Variants in ARID1B observed in about 807,000 individuals in gnomAD.
ARID1B encodes AT-rich interactive domain-containing protein 1B.
A neutral mutation model predicts 212.3 loss-of-function variants in ARID1B; 30 were observed. The ratio of observed to expected loss-of-function variants is 0.14; its 90% confidence interval spans 0.11 to 0.19. ARID1B has a LOEUF of 0.19. Ranked by LOEUF, ARID1B falls within the 10% of genes least tolerant of loss-of-function variation. ARID1B has a pLI of 1.00. For missense variants in ARID1B, 2,891 were observed against 3,204.0 expected (o/e 0.90, Z 2.36); for synonymous variants, 1,402 against 1,301.7 (o/e 1.08, Z -1.66).
chr6:157,137,604 A>G (rs1789027443), intron 7 of ARID1B, among the ~76,000 whole-genome samples: 1 of 152,178 alleles, frequency 6.6e-6, no homozygotes. Flanking sequence ...TACTTTTTGC[A>G]TGTTGTTATT....
chr6:156,972,058 A>C (rs564241269), intron 4 of ARID1B, among the ~76,000 whole-genome samples: 1 of 152,314 alleles, frequency 6.6e-6, no homozygotes, highest in African/African-American at 2.4e-5. Flanking sequence ...GGAAGGACAT[A>C]GGTTTCTTAG....
chr6:157,202,238 A>C (rs1794161123), intron 18 of ARID1B, among the ~76,000 whole-genome samples: 1 of 152,202 alleles, frequency 6.6e-6, no homozygotes, highest in Admixed American at 6.5e-5. Flanking sequence ...GGTCTGGACT[A>C]TCTGGAAGTA....
Position 157,203,652 on chromosome 6 carries a change from C to A in ARID1B, c.5264-214C>A. 3 of 611,184 alleles carry A rather than the reference C, an allele frequency of 4.9e-6. No individual in the cohort carries two copies. The highest frequency in any genetic ancestry group is 4.9e-4 in the Middle Eastern group (1 of 2,050). The allele number at this position is 611,184 out of a possible 1,614,324, so 37.9% of individuals were successfully genotyped here. ...GCACTTTCGGCCCCTGCGTGACCAA[C>A]AAAGCGAGATCTGAAACCACAAAAG... On this transcript the variant is annotated intron_variant, in intron 18 of 19. Transcript: ENST00000636930. The surrounding 1 kb of genome is among the most constrained non-coding windows in gnomAD (Gnocchi z 4.4).
chr6:156,810,152 T>A (rs1781462069), intron 1 of ARID1B, among the ~76,000 whole-genome samples: 1 of 152,218 alleles, frequency 6.6e-6, no homozygotes, highest in Admixed American at 6.5e-5. Context: ...TAGTCACAGT[T>A]TAAACTACTT....
Position 156,817,502 on chromosome 6 carries a change from C to T in ARID1B, c.1792-11725C>T, listed in dbSNP as rs190065752. ...AAAATTAGCCAGGTGTAGTAGCACA[C>T]GCTTGTGGTCCCAGCTATGTGGGAG... On this transcript the variant is annotated intron_variant, in intron 1 of 19. Transcript: ENST00000636930. Among the ~76,000 whole-genome samples, 140 of 151,862 alleles carry T rather than the reference C, an allele frequency of 9.2e-4. 1 individual carries two copies. Among genetic ancestry groups the T allele is most frequent in the Middle Eastern group, 3.4e-3 (1 of 294 alleles).
At chr6:157,115,796 T>A (rs1787289082) in intron 6 of ARID1B, among the ~76,000 whole-genome samples, 1 of 152,222 alleles carries the variant, frequency 6.6e-6, no homozygotes, top group South Asian at 2.1e-4. Flanking sequence ...ATTATGTACA[T>A]GAATTTTAAA....
At chr6:157,064,298 T>A (rs747068717) in intron 4 of ARID1B, among the ~76,000 whole-genome samples, 3 of 152,218 alleles carry the variant, frequency 2.0e-5, no homozygotes, top group Non-Finnish European at 4.4e-5. Flanking sequence ...AAGGTAACTT[T>A]GCATGTATCT....
chr6:157,166,991 G>A (rs2128289870), intron 8 of ARID1B, 49 bp from the exon 9 acceptor site: 3 of 1,594,214 alleles, frequency 1.9e-6, no homozygotes, highest in South Asian at 2.2e-5. Context: ...GCAAACCACT[G>A]CTAATGTGCA....
At chr6:156,900,808 T>A (rs1055301896) in intron 2 of ARID1B, among the ~76,000 whole-genome samples, 5 of 152,228 alleles carry the variant, frequency 3.3e-5, no homozygotes, top group African/African-American at 1.2e-4. Flanking sequence ...TGCTTTACAT[T>A]GTTACCTGTT....
chr6:156,935,357 G>T, intron 3 of ARID1B, 109 bp from the exon 4 acceptor site: 1 of 905,534 alleles, frequency 1.1e-6, no homozygotes, highest in Non-Finnish European at 1.8e-6. Flanking sequence ...TGGGATTACA[G>T]GCATGAGCCA....
Position 157,200,587 on chromosome 6 carries a change from T to C in ARID1B, c.4480-118T>C. On this transcript the variant is annotated intron_variant, in intron 17 of 19. Transcript: ENST00000636930. This position sits in a 1 kb window ranked among gnomAD's most constrained non-coding sequence, Gnocchi z 4.3. The stretch of plus-strand genomic sequence containing the variant: ...GTTAGTTCTCTGTTGTTATAGGAGC[T>C]TCCCATATTCATTTTGAAATGAACA... 1 of 1,155,778 alleles carries C rather than the reference T, an allele frequency of 8.7e-7. No homozygotes were observed. The highest frequency in any genetic ancestry group is 2.6e-5 in the Admixed American group (1 of 38,664). 71.6% of individuals were successfully genotyped at this position (1,155,778 alleles called of 1,614,324 possible).
chr6:157,157,499 T>A (rs1790651835), intron 8 of ARID1B, among the ~76,000 whole-genome samples: 1 of 152,206 alleles, frequency 6.6e-6, no homozygotes, highest in South Asian at 2.1e-4. Context: ...TGAAATCTGA[T>A]AACCTCAACA....
chr6:157,110,336 G>A (rs1786815542), intron 5 of ARID1B, 136 bp from the exon 6 acceptor site: 1 of 698,552 alleles, frequency 1.4e-6, no homozygotes, highest in African/African-American at 1.8e-5. Flanking sequence ...ATTACACTCT[G>A]AGCTATGTCT....
intron 4 of ARID1B, among the ~76,000 whole-genome samples, chr6:157,077,940 A>C (rs997835277): frequency 1.3e-5 from 2 of 151,990 alleles, no homozygotes; most frequent in African/African-American, 2.4e-5. Flanking sequence ...TCAGTATCTC[A>C]CTTTTTTATA....
chr6:156,816,066 A>G (rs145716110), intron 1 of ARID1B, among the ~76,000 whole-genome samples: 307 of 152,362 alleles, frequency 2.0e-3, no homozygotes, highest in African/African-American at 6.8e-3. Context: ...CTTAATTACA[A>G]TAACATCTAT....
intron 3 of ARID1B, among the ~76,000 whole-genome samples, chr6:156,926,469 G>T (rs1026039473): frequency 6.6e-6 from 1 of 152,154 alleles, no homozygotes; most frequent in Non-Finnish European, 1.5e-5. Context: ...ATGAAAGCCA[G>T]AGTCAGTCTC....
intron 8 of ARID1B, chr6:157,151,541 C>G (rs1334581621): frequency 6.6e-6 from 1 of 152,170 alleles, no homozygotes; most frequent in Non-Finnish European, 1.5e-5. Context: ...CCATATTATT[C>G]TCAATTTCAA....
At chr6:156,922,797 A>G (rs1199283103) in intron 3 of ARID1B, among the ~76,000 whole-genome samples, 1 of 152,200 alleles carries the variant, frequency 6.6e-6, no homozygotes, top group Non-Finnish European at 1.5e-5. Context: ...GAGTTGCTGT[A>G]TTCTCAGGGG....
chr6:157,021,710 T>C (rs1254221414), intron 4 of ARID1B, among the ~76,000 whole-genome samples: 1 of 151,876 alleles, frequency 6.6e-6, no homozygotes, highest in Non-Finnish European at 1.5e-5. Flanking sequence ...GGCCGCCGCC[T>C]GCAGGCACCG....
Sources: allele counts gnomAD v4.1 joint callset (sites outside exome capture counted in the v4.1 genomes callset), GRCh38; gene constraint gnomAD v4.1.1; non-coding constraint Gnocchi (gnomAD v3.1); transcripts MANE v1.5; gene names NCBI Gene and HGNC (gene_info 2026-07-23, HGNC 2026-07-21).